The following DLG2 variants were observed in gnomAD, a reference collection of about 807,000 sequenced individuals.
DLG2 encodes disks large homolog 2.
Under a neutral mutation model 132.5 loss-of-function variants are expected in DLG2, and 45 were observed. The ratio of observed to expected loss-of-function variants is 0.34; its 90% confidence interval spans 0.27 to 0.44. The LOEUF (loss-of-function observed/expected upper bound fraction) is 0.44. Ranked by LOEUF, DLG2 falls within the 20% of genes least tolerant of loss-of-function variation. The pLI is 1.00. For synonymous variants in DLG2, 424 were observed against 419.6 expected (o/e 1.01, Z -0.13); for missense variants, 1,045 against 1,196.9 (o/e 0.87, Z 1.87).
intron 4 of DLG2, among the ~76,000 whole-genome samples, chr11:85,185,340 G>C (rs2080015485): frequency 6.6e-6 from 1 of 151,888 alleles, no homozygotes; most frequent in Non-Finnish European, 1.5e-5. Flanking sequence ...CCTGATTTTG[G>C]AAGTCTTCCC....
chr11:85,470,449 A>G (rs1316276016), intron 3 of DLG2, among the ~76,000 whole-genome samples: 2 of 152,144 alleles, frequency 1.3e-5, no homozygotes, highest in African/African-American at 4.8e-5. Context: ...TTGGCCAGGT[A>G]TTGTGGCTCA....
intron 3 of DLG2, among the ~76,000 whole-genome samples, chr11:85,549,439 C>G (rs923909319): frequency 6.6e-6 from 1 of 152,204 alleles, no homozygotes; most frequent in Admixed American, 6.5e-5. Flanking sequence ...ATCTTGCCAG[C>G]CAATTCTCTT....
intron 6 of DLG2, among the ~76,000 whole-genome samples, chr11:84,868,126 TTTA>T (rs1345287510): frequency 6.8e-6 from 1 of 147,762 alleles, no homozygotes; most frequent in East Asian, 1.9e-4. Flanking sequence ...AATAATTATA[TTTA>T]TTAATATTTT....
At position 83,705,212 on chromosome 11, in the gene DLG2, C is replaced by T. The variant is rs531227394; in HGVS notation, c.1826-71887G>A. On this transcript the variant is annotated intron_variant, in intron 18 of 27. Transcript: ENST00000376104. ...TTTCACTTATTAAAAGAGTTCTAAA[C>T]TTCTTTTCTCCAGGCTAAATCTTCA... Among the ~76,000 whole-genome samples, 3 of 152,234 alleles carry T rather than the reference C, an allele frequency of 2.0e-5. 1 individual carries two copies. The South Asian group carries it at 6.2e-4, about 32-fold the overall frequency.
chr11:83,966,132 C>A (rs2090143081), intron 12 of DLG2, among the ~76,000 whole-genome samples: 3 of 151,718 alleles, frequency 2.0e-5, no homozygotes, highest in Admixed American at 2.0e-4. Flanking sequence ...ACACATTTAC[C>A]CATACAAGTG....
At chr11:85,259,960 A>T (rs994738220) in intron 4 of DLG2, among the ~76,000 whole-genome samples, 4 of 152,138 alleles carry the variant, frequency 2.6e-5, no homozygotes, top group African/African-American at 9.7e-5. Flanking sequence ...TGAATGAGTA[A>T]ATGAAGAAAT....
At chr11:84,433,328 T>C (rs2098990431) in intron 7 of DLG2, among the ~76,000 whole-genome samples, 1 of 152,188 alleles carries the variant, frequency 6.6e-6, no homozygotes, top group African/African-American at 2.4e-5. Flanking sequence ...AACCAGAAAT[T>C]GCACTTTCAA....
At chr11:84,736,577 C>T (rs1323236330) in intron 6 of DLG2, among the ~76,000 whole-genome samples, 1 of 151,838 alleles carries the variant, frequency 6.6e-6, no homozygotes. Flanking sequence ...CAGCAATATT[C>T]TATAATTTCC....
At chr11:84,257,465 C>T (rs1196541675) in intron 7 of DLG2, among the ~76,000 whole-genome samples, 1 of 152,098 alleles carries the variant, frequency 6.6e-6, no homozygotes, top group Non-Finnish European at 1.5e-5. Context: ...ATAGCAAATA[C>T]TTTATGTGAA....
chr11:84,451,603 T>C (rs1196945613), intron 7 of DLG2, among the ~76,000 whole-genome samples: 2 of 151,814 alleles, frequency 1.3e-5, no homozygotes, highest in African/African-American at 2.4e-5. Context: ...CCTCCACTTA[T>C]TTATTTATTC....
In DLG2 at chr11:84,163,450, T is replaced by A; in HGVS notation, c.624+11A>T. 1 of 1,602,392 alleles carries A rather than the reference T, an allele frequency of 6.2e-7. No individual in the cohort carries two copies. The highest frequency in any genetic ancestry group is 8.5e-7 in the Non-Finnish European group (1 of 1,175,696). On this transcript the variant is annotated intron_variant, in intron 9 of 27. Coordinates refer to ENST00000376104, the MANE Select transcript of DLG2 (RefSeq NM_001142699.3). ...GATTGGGGCTTTGGATTTTTCAAAATTTTTTCTTACCCTCTCCAGTGTAAT... is the reference window on the plus strand; with the variant it reads ...GATTGGGGCTTTGGATTTTTCAAAAATTTTTCTTACCCTCTCCAGTGTAAT...
chr11:85,081,381 C>T (rs952721894), intron 6 of DLG2, among the ~76,000 whole-genome samples: 5 of 152,072 alleles, frequency 3.3e-5, no homozygotes, highest in African/African-American at 7.2e-5. Context: ...AAAACAATAC[C>T]GCAAAGTGAA....
intron 3 of DLG2, among the ~76,000 whole-genome samples, chr11:85,578,196 G>A (rs1157329808): frequency 6.6e-6 from 1 of 152,036 alleles, no homozygotes; most frequent in African/African-American, 2.4e-5. Flanking sequence ...ATATGCAGAA[G>A]ACTAAAACCA....
Position 83,741,177 on chromosome 11 carries a change from A to G in DLG2, c.1825+45513T>C, listed in dbSNP as rs1053395295. Among the ~76,000 whole-genome samples the G allele has an allele frequency of 2.6e-5, 4 of 152,208 alleles. No individual in the cohort carries two copies. The East Asian group carries it at 7.7e-4, about 29-fold the overall frequency. The stretch of plus-strand genomic sequence containing the variant: ...CTCAATATAATAAGAGACATTTATG[A>G]CAAACCCACAGCCATTATCATATTG... On this transcript the variant is annotated intron_variant, in intron 18 of 27. Transcript: ENST00000376104.
At chr11:84,996,774 T>G (rs1336417779) in intron 6 of DLG2, among the ~76,000 whole-genome samples, 1 of 152,180 alleles carries the variant, frequency 6.6e-6, no homozygotes, top group African/African-American at 2.4e-5. Flanking sequence ...GGTTGTACCT[T>G]TCAGGATGAG....
chr11:85,027,206 G>C (rs565865412), intron 6 of DLG2, among the ~76,000 whole-genome samples: 14 of 91,672 alleles, frequency 1.5e-4, no homozygotes, highest in Admixed American at 7.5e-4. Context: ...TTTTTTTGCT[G>C]AAAGTGCATT....
At chr11:85,365,412 T>C (rs972819982) in intron 3 of DLG2, among the ~76,000 whole-genome samples, 1 of 152,158 alleles carries the variant, frequency 6.6e-6, no homozygotes, top group Non-Finnish European at 1.5e-5. Context: ...AACTGCACAG[T>C]TGAATGACAA....
At chr11:85,118,191 T>C (rs913136160) in intron 5 of DLG2, among the ~76,000 whole-genome samples, 3 of 152,074 alleles carry the variant, frequency 2.0e-5, no homozygotes, top group Non-Finnish European at 1.5e-5. Flanking sequence ...TCTGAGGAAA[T>C]CCTTACTAAA....
intron 3 of DLG2, among the ~76,000 whole-genome samples, chr11:85,508,013 T>G (rs1252732307): frequency 6.6e-6 from 1 of 152,122 alleles, no homozygotes; most frequent in Non-Finnish European, 1.5e-5. Flanking sequence ...CTGAAGCTTG[T>G]GCATGCATCA....
Sources: gnomAD v4.1 joint callset for allele counts (sites outside exome capture counted in the v4.1 genomes callset) on GRCh38, gnomAD v4.1.1 for gene constraint, MANE v1.5 for transcripts, NCBI Gene and HGNC (gene_info 2026-07-23, HGNC 2026-07-21) for gene names.